Variants in PGAP1 observed in about 807,000 individuals in gnomAD.
PGAP1 encodes GPI inositol-deacylase.
Under a neutral mutation model 127.0 loss-of-function variants are expected in PGAP1, and 76 were observed. That is an observed-to-expected ratio of 0.60 (90% confidence interval 0.50 to 0.72). The LOEUF is 0.72. PGAP1 is among the 30% of genes least tolerant of loss of function. The pLI is 0.00. For synonymous variants in PGAP1, 362 were observed against 366.5 expected, an observed-to-expected ratio of 0.99 and a Z score of 0.14; for missense variants, 982 against 1,071.3, an observed-to-expected ratio of 0.92 and a Z score of 1.16.
intron 4 of PGAP1, among the ~76,000 whole-genome samples, chr2:196,904,570 T>A (rs146189810): frequency 1.3e-5 from 2 of 151,986 alleles, no homozygotes; most frequent in African/African-American, 4.8e-5. Flanking sequence ...ACACTGTCTC[T>A]ACTAAAAATT....
At chr2:196,865,342 A>T (rs1669321791) in intron 19 of PGAP1, among the ~76,000 whole-genome samples, 1 of 152,198 alleles carries the variant, frequency 6.6e-6, no homozygotes, top group African/African-American at 2.4e-5. Flanking sequence ...TTTTCAGAAC[A>T]CACTGATTAT....
chr2:196,885,563 A>G (rs1362022262), intron 11 of PGAP1, 88 bp from the exon 12 acceptor site: 1 of 965,912 alleles, frequency 1.0e-6, no homozygotes, highest in African/African-American at 1.7e-5. Context: ...AAAAGAAACC[A>G]TCTCTACACC....
chr2:196,911,565 C>T (rs1293710819), intron 4 of PGAP1, among the ~76,000 whole-genome samples: 1 of 89,264 alleles, frequency 1.1e-5, no homozygotes, highest in African/African-American at 4.7e-5. Context: ...ATGTAACTAA[C>T]CTGCACAATG....
intron 20 of PGAP1, among the ~76,000 whole-genome samples, chr2:196,855,036 A>C (rs1209489356): frequency 6.6e-6 from 1 of 150,536 alleles, no homozygotes; most frequent in South Asian, 2.1e-4. Context: ...AGTCATCTTC[A>C]TATCAGCAGG....
chr2:196,889,529 AAATCAG>A (rs1314675951), intron 10 of PGAP1, among the ~76,000 whole-genome samples: 1 of 152,030 alleles, frequency 6.6e-6, no homozygotes, highest in East Asian at 1.9e-4. Flanking sequence ...AAAAAAAAAA[AAATCAG>A]AATAGAGGAA....
chr2:196,856,909 T>C (rs1700902319), intron 20 of PGAP1, among the ~76,000 whole-genome samples: 1 of 152,238 alleles, frequency 6.6e-6, no homozygotes, highest in African/African-American at 2.4e-5. Flanking sequence ...TCTTTGTGTC[T>C]TCTCTGATTT....
At chr2:196,893,348 T>C in intron 7 of PGAP1, 103 bp from the exon 8 acceptor site, 1 of 605,982 alleles carries the variant, frequency 1.7e-6, no homozygotes, top group East Asian at 3.0e-5. Flanking sequence ...TTTATTACTC[T>C]GAGCCAGGCA....
chr2:196,915,766 C>G (rs978917276), intron 3 of PGAP1, among the ~76,000 whole-genome samples: 1 of 152,210 alleles, frequency 6.6e-6, no homozygotes, highest in African/African-American at 2.4e-5. Flanking sequence ...AGCTACTTTC[C>G]CTGTGCAGCA....
intron 20 of PGAP1, among the ~76,000 whole-genome samples, chr2:196,850,924 C>T (rs1700698867): frequency 6.6e-6 from 1 of 152,074 alleles, no homozygotes; most frequent in Non-Finnish European, 1.5e-5. Context: ...AATCTGATCA[C>T]ACCTATAGCT....
chr2:196,884,765 G>A (rs191723917), intron 12 of PGAP1, among the ~76,000 whole-genome samples: 15 of 152,104 alleles, frequency 9.9e-5, no homozygotes, highest in East Asian at 1.9e-4. Context: ...CTATCAATCC[G>A]GATAAAATTT....
intron 5 of PGAP1, among the ~76,000 whole-genome samples, chr2:196,901,318 A>T (rs1043672899): frequency 2.0e-5 from 3 of 152,264 alleles, no homozygotes; most frequent in Non-Finnish European, 4.4e-5. Flanking sequence ...AATGGTGGGT[A>T]ATAGCAGAAT....
At chr2:196,911,606 T>TAAAAAAAAAA (rs56107551) in intron 4 of PGAP1, among the ~76,000 whole-genome samples, 3 of 77,286 alleles carry the variant, frequency 3.9e-5, no homozygotes, top group Non-Finnish European at 7.1e-5. Context: ...TAGAGTATAA[T>TAAAAAAAAAA]AAAAAAAAAA....
chr2:196,872,984 T>G lies in PGAP1; in HGVS notation c.1595A>C (p.Tyr532Ser), dbSNP rs778162467. The G allele has an allele frequency of 2.4e-5, 26 of 1,076,442 alleles. No homozygotes were observed. In the South Asian group the frequency reaches 3.7e-4, roughly 15 times the overall value. 66.7% of individuals were successfully genotyped at this position (1,076,442 alleles called of 1,614,324 possible). A position where few individuals can be genotyped will look rare whatever the true frequency, so the allele number is the denominator to read the frequency against. Residue 532 changes from tyrosine (Y) to serine (S), a missense_variant, in exon 17 of 27, where the codon TAT (tyrosine) becomes TCT (serine). Coordinates refer to ENST00000354764, the MANE Select transcript of PGAP1 (RefSeq NM_024989.4). Reference protein sequence around the residue: ...SIYRLHIPWSYEDSLTIAQAP... With the variant: ...SIYRLHIPWSSEDSLTIAQAP... ...CTGTGCAATGGTTAGTGAATCTTCA[T>G]AAGACCAAGGAATATGAAGTCTATA...
intron 7 of PGAP1, among the ~76,000 whole-genome samples, chr2:196,896,828 TAA>T (rs566717804): frequency 1.2e-4 from 11 of 90,596 alleles, no homozygotes; most frequent in Admixed American, 6.2e-4. Flanking sequence ...GACTCCATCT[TAA>T]AAAAAAAAAA....
At chr2:196,868,472 A>G (rs58464120) in intron 19 of PGAP1, among the ~76,000 whole-genome samples, 17,056 of 152,220 alleles carry the variant, frequency 0.11, 1,236 homozygotes, top group African/African-American at 0.21. Flanking sequence ...AACTGTAGCC[A>G]TACTTAGTAT....
In PGAP1 at chr2:196,885,803, A is replaced by G. The variant is rs370430433; in HGVS notation, c.1220+31T>C. 33 of 1,363,412 alleles carry G rather than the reference A, an allele frequency of 2.4e-5. No homozygotes were observed. In the African/African-American group the frequency reaches 4.1e-4, roughly 17 times the overall value. The allele number at this position is 1,363,412 out of a possible 1,614,324, so 84.5% of individuals were successfully genotyped here. A position where few individuals can be genotyped will look rare whatever the true frequency, so the allele number is the denominator to read the frequency against. ...TGGTTTCCGAGTATTGTTTATGTTG[A>G]GATAAATGAACATGCATTCAAAAGA... On this transcript the variant is annotated intron_variant, in intron 11 of 26. Transcript: ENST00000354764.
chr2:196,846,662 C>T (rs541295044), intron 22 of PGAP1, among the ~76,000 whole-genome samples: 1 of 152,252 alleles, frequency 6.6e-6, no homozygotes, highest in Non-Finnish European at 1.5e-5. Flanking sequence ...TCTCTTGCCC[C>T]CTGGTTTCAA....
intron 4 of PGAP1, among the ~76,000 whole-genome samples, chr2:196,905,163 C>G (rs764456372): frequency 2.6e-5 from 4 of 152,152 alleles, no homozygotes; most frequent in Non-Finnish European, 5.9e-5. Flanking sequence ...ATTGAGGGTG[C>G]ATTCCTCAAG....
At position 196,885,785 on chromosome 2, in the gene PGAP1, C is replaced by T. The variant is rs186114717; in HGVS notation, c.1220+49G>A. The T allele has an allele frequency of 5.6e-5, 67 of 1,205,084 alleles. 1 individual carries two copies. The highest frequency in any genetic ancestry group is 4.0e-4 in the South Asian group (16 of 40,392). The allele number at this position is 1,205,084 out of a possible 1,614,324, so 74.6% of individuals were successfully genotyped here. ...GAAACTATTCTAAAAGTGTGGTTTC[C>T]GAGTATTGTTTATGTTGAGATAAAT... On this transcript the variant is annotated intron_variant, in intron 11 of 26. Transcript: ENST00000354764.
Sources: allele counts gnomAD v4.1 joint callset (sites outside exome capture counted in the v4.1 genomes callset), GRCh38; gene constraint gnomAD v4.1.1; transcripts MANE v1.5; gene names NCBI Gene and HGNC (gene_info 2026-07-23, HGNC 2026-07-21).